The following PCDHGB3 variants were observed in gnomAD, a reference collection of about 807,000 sequenced individuals.
The protein encoded by PCDHGB3 is protocadherin gamma-B3.
A neutral mutation model predicts 59.2 loss-of-function variants in PCDHGB3; 40 were observed. That is an observed-to-expected ratio of 0.68 (90% CI 0.52 to 0.88). The LOEUF (loss-of-function observed/expected upper bound fraction) is 0.88, where lower values mean the gene tolerates loss of function less well. Ranked by LOEUF, PCDHGB3 falls within the 40% of genes least tolerant of loss-of-function variation. The pLI is 0.00. For missense variants in PCDHGB3, 1,309 were observed against 1,187.9 expected (o/e 1.10, Z -1.50); for synonymous variants, 581 against 503.6 (o/e 1.15, Z -2.06).
chr5:141,427,896 C>G, intron 1 of PCDHGB3: 1 of 1,570,508 alleles, frequency 6.4e-7, no homozygotes, highest in East Asian at 2.2e-5. Context: ...CCAGGGCTCG[C>G]CCGCGCTCAG....
chr5:141,439,669 A>T (rs983024479), intron 1 of PCDHGB3, among the ~76,000 whole-genome samples: 4 of 152,174 alleles, frequency 2.6e-5, no homozygotes, highest in Non-Finnish European at 5.9e-5. Context: ...ATGGAATGCA[A>T]ATCCAAGAGC....
Position 141,371,812 on chromosome 5 carries a change from A to G in PCDHGB3, c.1418A>G (p.His473Arg). Residue 473 changes from histidine to arginine, a missense_variant, in exon 1 of 4, where the codon CAT (histidine) becomes CGT (arginine). By Grantham distance (29) the His-to-Arg change is conservative. Transcript: ENST00000576222. ...ENNPPGASIA[H>R]VRASDPDLGP... is the part of the protein sequence containing the mutation. ...AATCCGCCTGGAGCCTCCATTGCGC[A>G]TGTCAGAGCCTCGGATCCCGACTTG... is the stretch of plus-strand genomic sequence containing the variant. 1 of 1,613,904 alleles carries G rather than the reference A, an allele frequency of 6.2e-7. No individual in the cohort carries two copies. Among genetic ancestry groups the G allele is most frequent in the Non-Finnish European group, 8.5e-7 (1 of 1,179,906 alleles).
chr5:141,429,741 C>T (rs2097240604), intron 1 of PCDHGB3, among the ~76,000 whole-genome samples: 1 of 152,106 alleles, frequency 6.6e-6, no homozygotes, highest in Admixed American at 6.5e-5. Flanking sequence ...CCAGTTATTT[C>T]TTAGGGAGAA....
intron 3 of PCDHGB3, among the ~76,000 whole-genome samples, chr5:141,507,713 C>T (rs2099862763): frequency 6.6e-6 from 1 of 152,234 alleles, no homozygotes; most frequent in Non-Finnish European, 1.5e-5. Flanking sequence ...GGCCCCAAAC[C>T]CTCCAAGCAA....
At chr5:141,392,654 A>G (rs2092571814) in intron 1 of PCDHGB3, 1 of 734,690 alleles carries the variant, frequency 1.4e-6, no homozygotes, top group Admixed American at 3.4e-5. Flanking sequence ...AGACCCGCAG[A>G]TGCCACAAAC....
At chr5:141,503,598 C>CTAA (rs2099824827) in intron 2 of PCDHGB3, among the ~76,000 whole-genome samples, 2 of 65,752 alleles carry the variant, frequency 3.0e-5, no homozygotes, top group African/African-American at 9.3e-5. Flanking sequence ...GACTCCAGCT[C>CTAA]AAAAAAAAAA....
At chr5:141,498,919 C>A (rs897611505) in intron 2 of PCDHGB3, among the ~76,000 whole-genome samples, 1 of 122,240 alleles carries the variant, frequency 8.2e-6, no homozygotes. Context: ...GGTGACAGAG[C>A]GAGACTCCAT....
chr5:141,394,972 A>G (rs766374618), intron 1 of PCDHGB3: 1 of 1,613,902 alleles, frequency 6.2e-7, no homozygotes, highest in Non-Finnish European at 8.5e-7. Context: ...AGGCGCTGGC[A>G]CAAGTCACGC....
In PCDHGB3 at chr5:141,370,568, G is replaced by C; in HGVS notation, c.174G>C (p.Val58=). 1 of 1,613,930 alleles carries C rather than the reference G, an allele frequency of 6.2e-7. No individual in the cohort carries two copies. The highest frequency in any genetic ancestry group is 8.5e-7 in the Non-Finnish European group (1 of 1,179,870). ...GNLAKDLGFG[V]GDLPTRNLRV... ...TCGCCAAGGACCTGGGGTTTGGCGT[G>C]GGGGATTTACCTACTAGGAACCTGC... Residue 58 remains valine (V), a synonymous_variant, in exon 1 of 4, where the codon GTG becomes GTC. Transcript: ENST00000576222.
intron 1 of PCDHGB3, among the ~76,000 whole-genome samples, chr5:141,446,727 A>G (rs546345866): frequency 6.6e-6 from 1 of 152,258 alleles, no homozygotes; most frequent in African/African-American, 2.4e-5. Context: ...TCGGCCTCCC[A>G]AAGTGTGGGG....
intron 1 of PCDHGB3, chr5:141,478,808 T>A: frequency 3.4e-6 from 5 of 1,459,124 alleles, no homozygotes; most frequent in Non-Finnish European, 4.5e-6. Context: ...TCTTTTGCTA[T>A]CACAACTAAC....
chr5:141,384,622 A>G (rs1360248889), intron 1 of PCDHGB3: 1 of 1,614,218 alleles, frequency 6.2e-7, no homozygotes, highest in East Asian at 2.2e-5. Context: ...TTCTACTGGC[A>G]TGGAGCTGGC....
At chr5:141,472,980 CAAAAAAA>C (rs60579131) in intron 1 of PCDHGB3, among the ~76,000 whole-genome samples, 1 of 86,108 alleles carries the variant, frequency 1.2e-5, no homozygotes, top group East Asian at 4.1e-4. Context: ...GAGTGAAACT[CAAAAAAA>C]AAAAAAAAAA....
intron 1 of PCDHGB3, chr5:141,375,344 A>T: frequency 6.2e-7 from 1 of 1,613,836 alleles, no homozygotes; most frequent in South Asian, 1.1e-5. Context: ...GTACAACATC[A>T]CTGTGACAGC....
chr5:141,466,468 T>C (rs1266315455), intron 1 of PCDHGB3, among the ~76,000 whole-genome samples: 1 of 152,368 alleles, frequency 6.6e-6, no homozygotes, highest in East Asian at 1.9e-4. Flanking sequence ...TTGTTTCTGC[T>C]GTTAATTGTA....
Position 141,485,220 on chromosome 5 carries a change from C to T in PCDHGB3, c.2416-9587C>T. The T allele has an allele frequency of 6.2e-7, 1 of 1,614,192 alleles. No homozygotes were observed. The highest frequency in any genetic ancestry group is 8.5e-7 in the Non-Finnish European group (1 of 1,180,024). On this transcript the variant is annotated intron_variant, in intron 1 of 3. Transcript: ENST00000576222. This position sits in a 1 kb window ranked among gnomAD's most constrained non-coding sequence, Gnocchi z 5.7. ...TGGACAGAAATCTGGCGGTGGGCTA[C>T]CCTTTTGTTCCTCTTTTACCACCTG... is the stretch of plus-strand genomic sequence containing the variant.
chr5:141,510,813 C>T, intron 3 of PCDHGB3, 134 bp from the exon 4 acceptor site: 1 of 1,537,024 alleles, frequency 6.5e-7, no homozygotes, highest in South Asian at 1.2e-5. Flanking sequence ...CTTGGTGACC[C>T]CTATATTCCC....
chr5:141,379,118 C>G (rs180933858), intron 1 of PCDHGB3: 2 of 152,296 alleles, frequency 1.3e-5, no homozygotes, highest in Admixed American at 1.3e-4. Flanking sequence ...GAGAAGATAC[C>G]TTGAAAATAA....
intron 1 of PCDHGB3, chr5:141,423,157 G>T: frequency 1.9e-6 from 3 of 1,610,820 alleles, no homozygotes; most frequent in East Asian, 2.2e-5. Context: ...GCAGAGCCTC[G>T]TGGTGGCCGT....
Sources: gnomAD v4.1 joint callset for allele counts (sites outside exome capture counted in the v4.1 genomes callset) on GRCh38, gnomAD v4.1.1 for gene constraint, Gnocchi (gnomAD v3.1) non-coding constraint, MANE v1.5 for transcripts, NCBI Gene and HGNC (gene_info 2026-07-23, HGNC 2026-07-21) for gene names.